The following PEX19 variants were observed in gnomAD, a reference collection of about 807,000 sequenced individuals.
PEX19 encodes the protein 33 kDa housekeeping protein.
PEX19 carries 29 observed loss-of-function variants against 36.3 expected under a neutral mutation model. That is an observed-to-expected ratio of 0.80 (90% CI 0.60 to 1.09). The LOEUF is 1.09. Among genes scored for constraint, PEX19 ranks in the 50% least tolerant of loss-of-function variants. The pLI is 0.00. For synonymous variants in PEX19, 141 were observed against 135.2 expected (o/e 1.04, Z -0.30); for missense variants, 396 against 368.1 (o/e 1.08, Z -0.62).
In PEX19 at chr1:160,282,490, G is replaced by A. The variant is rs1313223928; in HGVS notation, c.359C>T (p.Thr120Ile). 1.2e-6 allele frequency: 2 copies of A among 1,613,594 alleles called. No homozygotes were observed. The highest frequency in any genetic ancestry group is 2.7e-5 in the African/African-American group (2 of 75,004). Residue 120 changes from threonine to isoleucine, a missense_variant, in exon 4 of 8, where the codon ACC (threonine) becomes ATC (isoleucine). Transcript: ENST00000368072. ...GCAAGAAGTGAATTCTTGTTGGGAGGTCATATCACTGCCTAGGAGAGATTA... is the reference window on the plus strand; with the variant it reads ...GCAAGAAGTGAATTCTTGTTGGGAGATCATATCACTGCCTAGGAGAGATTA... ...EAAGRVGSDM[T>I]SQQEFTSCLK...
Position 160,285,036 on chromosome 1 carries a change from TC to T in PEX19, c.70+18del, listed in dbSNP as rs1254590800. The T allele has an allele frequency of 6.3e-7, 1 of 1,593,136 alleles. No homozygotes were observed. On this transcript the variant is annotated intron_variant, in intron 1 of 7. Coordinates refer to ENST00000368072, the MANE Select transcript of PEX19 (RefSeq NM_002857.4). The stretch of plus-strand genomic sequence containing the variant: ...CTCACACGTGCCCTCTTCGGGCCTT[TC>T]CCACTATGGGCTCTTACTTTCCAGA...
intron 5 of PEX19, among the ~76,000 whole-genome samples, chr1:160,280,700 G>A (rs367814437): frequency 6.6e-6 from 1 of 151,862 alleles, no homozygotes; most frequent in South Asian, 2.1e-4. Context: ...TTTGTATTTT[G>A]TAGAGACAGG....
chr1:160,280,129 TG>T lies in PEX19; in HGVS notation c.711del (p.Thr238GlnfsTer24). On this transcript the variant is annotated frameshift_variant, in exon 6 of 8. Coordinates refer to ENST00000368072, the MANE Select transcript of PEX19 (RefSeq NM_002857.4). LOFTEE classifies it high-confidence loss of function. ...GCCTTTTGAGTGGTTTCACTGTCTGTGGGGGTCTCTGCCTCAAACTGCTCAC... is the reference window on the plus strand; with the variant it reads ...GCCTTTTGAGTGGTTTCACTGTCTGTGGGGTCTCTGCCTCAAACTGCTCAC... The part of the protein sequence containing the change: ...KICEQFEAET[P>X]TDSETTQKAR... 6.2e-7 allele frequency: 1 copy of T among 1,614,000 alleles called. No homozygotes were observed. The highest frequency in any genetic ancestry group is 8.5e-7 in the Non-Finnish European group (1 of 1,179,876).
At position 160,276,832 on chromosome 1, in the gene PEX19, A is replaced by G. The variant is rs1657550165; in HGVS notation, c.*2719T>C. ...TCCCAATTATCAAAAAGTCTGTATT[A>G]ATTCAATTCTTAATTCATGAAGCCA... On this transcript the variant is annotated 3_prime_UTR_variant, in exon 8 of 8. Transcript: ENST00000368072. 1 of 389,502 alleles carries G rather than the reference A, an allele frequency of 2.6e-6. No individual in the cohort carries two copies. Among genetic ancestry groups the G allele is most frequent in the Admixed American group, 3.1e-5 (1 of 31,880 alleles). The allele number at this position is 389,502 out of a possible 1,614,324, so 24.1% of individuals were successfully genotyped here.
chr1:160,280,384 A>G, intron 5 of PEX19, 138 bp from the exon 6 acceptor site: 1 of 801,568 alleles, frequency 1.2e-6, no homozygotes, highest in Non-Finnish European at 2.1e-6. Flanking sequence ...TCATCATGAA[A>G]AGCGGCACTG....
rs1571135887 is a variant in PEX19 at position 160,280,175 on chromosome 1, G to C, written c.666C>G (p.His222Gln). Residue 222 changes from histidine to glutamine, a missense_variant, in exon 6 of 8, where the codon CAC (histidine) becomes CAG (glutamine). Transcript: ENST00000368072. ...PEQFEKYQEQHSVMCKICEQF... is the reference protein window; with the variant it reads ...PEQFEKYQEQQSVMCKICEQF... ...GCTCACATATTTTGCACATGACGCT[G>C]TGCTGCTCCTGATATTTTTCAAACT... The C allele has an allele frequency of 6.2e-7, 1 of 1,613,828 alleles. No homozygotes were observed. Among genetic ancestry groups the C allele is most frequent in the African/African-American group, 1.3e-5 (1 of 74,920 alleles).
chr1:160,279,974 C>T, intron 6 of PEX19, 96 bp downstream of exon 6: 1 of 1,382,702 alleles, frequency 7.2e-7, no homozygotes, highest in Non-Finnish European at 1.0e-6. Context: ...GATCCCTCCT[C>T]CACCTAGGTC....
intron 1 of PEX19, chr1:160,284,155 C>T (rs1657904223): frequency 2.1e-6 from 1 of 471,816 alleles, no homozygotes; most frequent in Non-Finnish European, 4.4e-6. Flanking sequence ...CGGCATTAAA[C>T]TATCTTCTCT....
In PEX19 at chr1:160,278,258, G is replaced by T. The variant is rs1218673256; in HGVS notation, c.*1293C>A. 1.4e-6 allele frequency: 1 copy of T among 699,844 alleles called. No homozygotes were observed. Among genetic ancestry groups the T allele is most frequent in the South Asian group, 1.5e-5 (1 of 67,398 alleles). The allele number at this position is 699,844 out of a possible 1,614,324, so 43.4% of individuals were successfully genotyped here. ...AACATTAATAACAATAATGTAAAAG[G>T]TTAAAATATAATACCACTTGAAGGG... On this transcript the variant is annotated 3_prime_UTR_variant, in exon 8 of 8. Coordinates refer to ENST00000368072, the MANE Select transcript of PEX19 (RefSeq NM_002857.4).
chr1:160,279,834 T>C lies in PEX19; in HGVS notation c.783A>G (p.Leu261=), dbSNP rs754972525. The change falls in exon 7 of 8, where the codon TTA becomes TTG. Residue 261 remains leucine, a synonymous_variant. Transcript: ENST00000368072. ...CAGCCAGCTCTTTTGGAGGATGGCC[T>C]AAATCTTGTAGCTAGAAAATAAGGA... The part of the protein sequence containing the change: ...VLDLMQQLQD[L]GHPPKELAGE... 9 of 1,613,116 alleles carry C rather than the reference T, an allele frequency of 5.6e-6. No individual in the cohort carries two copies. The highest frequency in any genetic ancestry group is 6.8e-6 in the Non-Finnish European group (8 of 1,179,034).
chr1:160,284,179 A>G (rs753242255), intron 1 of PEX19: 2 of 471,646 alleles, frequency 4.2e-6, no homozygotes, highest in South Asian at 3.1e-5. Flanking sequence ...TCTCCAGTTT[A>G]GTGCTCCCCA....
Position 160,279,340 on chromosome 1 carries a change from T to G in PEX19, c.*211A>C, listed in dbSNP as rs777772195. On this transcript the variant is annotated 3_prime_UTR_variant, in exon 8 of 8. Transcript: ENST00000368072. ...GATAGTGGCAGAAACCACAATGGAG[T>G]AGGGTTCACAGAAATGGCCTGTGAA... is the stretch of plus-strand genomic sequence containing the variant. 7.3e-6 allele frequency: 5 copies of G among 689,132 alleles called. No individual in the cohort carries two copies. In the South Asian group the frequency reaches 7.5e-5, roughly 10 times the overall value. The allele number at this position is 689,132 out of a possible 1,614,324, so 42.7% of individuals were successfully genotyped here. A position where few individuals can be genotyped will look rare whatever the true frequency, so the allele number is the denominator to read the frequency against.
Position 160,279,463 on chromosome 1 carries a change from G to A in PEX19, c.*88C>T, listed in dbSNP as rs1482320133. Reference sequence around the variant, plus strand: ...GGGCAGCGGGCAGACTTCTCCCGCAGGTGACACTCCTGCCTCAGGTCCCAA... The same window carrying A: ...GGGCAGCGGGCAGACTTCTCCCGCAAGTGACACTCCTGCCTCAGGTCCCAA... On this transcript the variant is annotated 3_prime_UTR_variant, in exon 8 of 8. Transcript: ENST00000368072. 2 of 1,067,420 alleles carry A rather than the reference G, an allele frequency of 1.9e-6. No homozygotes were observed. Among genetic ancestry groups the A allele is most frequent in the South Asian group, 1.3e-5 (1 of 79,708 alleles). 66.1% of individuals were successfully genotyped at this position (1,067,420 alleles called of 1,614,324 possible).
intron 3 of PEX19, 71 bp downstream of exon 3, chr1:160,282,873 T>C: frequency 6.7e-7 from 1 of 1,502,488 alleles, no homozygotes; most frequent in South Asian, 1.1e-5. Flanking sequence ...TCACTAAGAA[T>C]TCTGGTGTTT....
In PEX19 at chr1:160,282,822, T is replaced by C. The variant is rs2101804229; in HGVS notation, c.346+122A>G. ...ATTCCCATCCTTTCTCTCATTGCCT[T>C]TACCCGTTCCTTGGCTGTGACATCA... On this transcript the variant is annotated intron_variant, in intron 3 of 7. Coordinates refer to ENST00000368072, the MANE Select transcript of PEX19 (RefSeq NM_002857.4). 4.7e-6 allele frequency: 5 copies of C among 1,061,820 alleles called. No homozygotes were observed. In the Admixed American group the frequency reaches 7.4e-5, roughly 16 times the overall value. The allele number at this position is 1,061,820 out of a possible 1,614,324, so 65.8% of individuals were successfully genotyped here. A position where few individuals can be genotyped will look rare whatever the true frequency, so the allele number is the denominator to read the frequency against.
intron 4 of PEX19, 95 bp from the exon 5 acceptor site, chr1:160,282,295 T>G: frequency 6.8e-7 from 1 of 1,480,424 alleles, no homozygotes; most frequent in South Asian, 1.1e-5. Context: ...TAAACTTGCC[T>G]GTAACAAACA....
chr1:160,283,461 C>T lies in PEX19; in HGVS notation c.180+69G>A. 8 of 1,152,904 alleles carry T rather than the reference C, an allele frequency of 6.9e-6. No homozygotes were observed. In the South Asian group the frequency reaches 1.1e-4, roughly 16 times the overall value. 71.4% of individuals were successfully genotyped at this position (1,152,904 alleles called of 1,614,324 possible). A position where few individuals can be genotyped will look rare whatever the true frequency, so the allele number is the denominator to read the frequency against. On this transcript the variant is annotated intron_variant, in intron 2 of 7. Transcript: ENST00000368072. ...CACATTCCCCTCTGGCCCATAGGGG[C>T]CTGCCCAACCTCTGCTCAGGGCTGC... is the stretch of plus-strand genomic sequence containing the variant.
chr1:160,283,798 A>G (rs1198515982), intron 1 of PEX19, among the ~76,000 whole-genome samples, 159 bp from the exon 2 acceptor site: 1 of 152,178 alleles, frequency 6.6e-6, no homozygotes, highest in Non-Finnish European at 1.5e-5. Flanking sequence ...ACCACCCTCA[A>G]TGAGCCTCCT....
Position 160,277,483 on chromosome 1 carries a change from A to G in PEX19, c.*2068T>C, listed in dbSNP as rs536872409. The G allele has an allele frequency of 5.5e-5, 25 of 455,886 alleles. No individual in the cohort carries two copies. The highest frequency in any genetic ancestry group is 9.7e-5 in the Non-Finnish European group (22 of 226,808). The allele number at this position is 455,886 out of a possible 1,614,324, so 28.2% of individuals were successfully genotyped here. ...TACATAGTTTGAGAAAGACTGCCCT[A>G]GAGTACCATAACTCCACCACAAGTC... On this transcript the variant is annotated 3_prime_UTR_variant, in exon 8 of 8. Coordinates refer to ENST00000368072, the MANE Select transcript of PEX19 (RefSeq NM_002857.4).
Sources: gnomAD v4.1 joint callset for allele counts (sites outside exome capture counted in the v4.1 genomes callset) on GRCh38, gnomAD v4.1.1 for gene constraint, MANE v1.5 for transcripts, NCBI Gene and HGNC (gene_info 2026-07-23, HGNC 2026-07-21) for gene names.